RNF145: variants seen among roughly 807,000 people sequenced by gnomAD.
RNF145 encodes the protein ring finger protein 145.
In RNF145, 12 loss-of-function variants were observed where a neutral mutation model predicts 57.3. The observed-to-expected ratio is 0.21, with a 90% CI of 0.13 to 0.34. The LOEUF is 0.34. Ranked by LOEUF, RNF145 falls within the 10% of genes least tolerant of loss-of-function variation. The probability of loss-of-function intolerance (pLI) is 1.00; values close to 1 mark genes in which losing one functional copy is unlikely to be tolerated. For synonymous variants in RNF145, 262 were observed against 288.3 expected, an observed-to-expected ratio of 0.91 and a Z score of 0.92; for missense variants, 429 against 799.0, an observed-to-expected ratio of 0.54 and a Z score of 5.58.
At chr5:159,165,983 T>C (rs1424756778) in intron 8 of RNF145, among the ~76,000 whole-genome samples, 1 of 152,186 alleles carries the variant, frequency 6.6e-6, no homozygotes, top group Non-Finnish European at 1.5e-5. Context: ...TATATACCTA[T>C]GAGGAGATCA....
In RNF145 at chr5:159,176,876, G is replaced by C. The variant is rs765759230; in HGVS notation, c.386-9C>G. The C allele has an allele frequency of 1.4e-5, 22 of 1,534,984 alleles. No individual in the cohort carries two copies. The Admixed American group carries it at 3.8e-4, about 26-fold the overall frequency. On this transcript the variant is annotated splice_polypyrimidine_tract_variant and intron_variant, in intron 4 of 10. Transcript: ENST00000424310. ...ACACACCACCAACTGACCTAAAATA[G>C]GGAATAGAATACATTTAATTTTGAG... is the stretch of plus-strand genomic sequence containing the variant.
chr5:159,158,472 T>G lies in RNF145; in HGVS notation c.*198A>C. The G allele has an allele frequency of 1.6e-6, 1 of 629,660 alleles. No individual in the cohort carries two copies. Among genetic ancestry groups the G allele is most frequent in the Non-Finnish European group, 2.7e-6 (1 of 367,662 alleles). 39.0% of individuals were successfully genotyped at this position (629,660 alleles called of 1,614,324 possible). ...ACATATAAATACATTTTGATTAGCA[T>G]ACATTGCAAAATTTCTCCCACAATG... On this transcript the variant is annotated 3_prime_UTR_variant, in exon 11 of 11. Transcript: ENST00000424310.
chr5:159,195,901 A>T (rs1292139352), intron 2 of RNF145, among the ~76,000 whole-genome samples: 1 of 152,162 alleles, frequency 6.6e-6, no homozygotes, highest in Non-Finnish European at 1.5e-5. Context: ...CTCATATTCA[A>T]CAAGTACAAA....
chr5:159,184,510 G>C (rs976411709), intron 3 of RNF145, among the ~76,000 whole-genome samples: 2 of 152,276 alleles, frequency 1.3e-5, no homozygotes, highest in Admixed American at 1.3e-4. Context: ...ATTTAATTAT[G>C]ATGATGATCA....
intron 3 of RNF145, among the ~76,000 whole-genome samples, chr5:159,187,409 C>T (rs1402443928): frequency 6.6e-6 from 1 of 151,698 alleles, no homozygotes; most frequent in Non-Finnish European, 1.5e-5. Flanking sequence ...CTCACTGCAA[C>T]CTCTGCCTTC....
At chr5:159,172,126 G>A (rs991826332) in intron 6 of RNF145, among the ~76,000 whole-genome samples, 1 of 152,094 alleles carries the variant, frequency 6.6e-6, no homozygotes, top group African/African-American at 2.4e-5. Context: ...TCAGTCTCAC[G>A]CTGAGTTTAT....
chr5:159,182,261 G>C (rs944865266), intron 3 of RNF145, among the ~76,000 whole-genome samples: 2 of 152,024 alleles, frequency 1.3e-5, no homozygotes, highest in East Asian at 3.8e-4. Context: ...TTACCATACA[G>C]AGAAAGCTGC....
intron 2 of RNF145, among the ~76,000 whole-genome samples, chr5:159,200,058 C>T (rs765804663): frequency 1.3e-5 from 2 of 152,026 alleles, no homozygotes; most frequent in South Asian, 2.1e-4. Context: ...CAGGAGGCTG[C>T]GGCAGGAGGA....
intron 2 of RNF145, among the ~76,000 whole-genome samples, chr5:159,200,645 A>G (rs1785629988): frequency 6.6e-6 from 1 of 152,214 alleles, no homozygotes; most frequent in Non-Finnish European, 1.5e-5. Context: ...TCAAAATACT[A>G]AAGCTTAAAA....
chr5:159,187,621 C>T (rs1002811456), intron 3 of RNF145, among the ~76,000 whole-genome samples: 6 of 152,150 alleles, frequency 3.9e-5, no homozygotes, highest in African/African-American at 1.4e-4. Context: ...GCCACCACTC[C>T]CGGCCTATCT....
At chr5:159,196,852 T>C (rs1464880082) in intron 2 of RNF145, among the ~76,000 whole-genome samples, 1 of 152,244 alleles carries the variant, frequency 6.6e-6, no homozygotes, top group Admixed American at 6.5e-5. Flanking sequence ...AACTCTCTTT[T>C]AACGAAACTG....
chr5:159,194,945 A>G, intron 2 of RNF145, 121 bp from the exon 3 acceptor site: 1 of 649,450 alleles, frequency 1.5e-6, no homozygotes, highest in Admixed American at 3.2e-5. Context: ...GAGGTTTTTT[A>G]TTATACTTAC....
chr5:159,178,562 A>C (rs1402815210), intron 4 of RNF145, among the ~76,000 whole-genome samples: 1 of 152,082 alleles, frequency 6.6e-6, no homozygotes, highest in African/African-American at 2.4e-5. Context: ...CTTGTCAATG[A>C]AAACCAAAAT....
chr5:159,165,119 A>G (rs1784350111), intron 8 of RNF145, among the ~76,000 whole-genome samples: 1 of 152,182 alleles, frequency 6.6e-6, no homozygotes, highest in Non-Finnish European at 1.5e-5. Context: ...CCTTTTATTT[A>G]GTCAGTAATC....
Position 159,158,076 on chromosome 5 carries a change from CA to C in RNF145, c.*593del, listed in dbSNP as rs1168264224. 2.8e-5 allele frequency: 4 copies of C among 142,460 alleles called. No individual in the cohort carries two copies. The highest frequency in any genetic ancestry group is 1.0e-4 in the African/African-American group (4 of 39,710). 8.8% of individuals were successfully genotyped at this position (142,460 alleles called of 1,614,324 possible). ...ACCCACCCCTTCCCTAAAGCACATA[CA>C]AAGTATGAGCGTGCTTCAATCTTTG... On this transcript the variant is annotated 3_prime_UTR_variant, in exon 11 of 11. Transcript: ENST00000424310.
At chr5:159,200,500 A>G (rs1785625572) in intron 2 of RNF145, among the ~76,000 whole-genome samples, 1 of 152,192 alleles carries the variant, frequency 6.6e-6, no homozygotes, top group Admixed American at 6.5e-5. Flanking sequence ...AAATAAAATT[A>G]TACCTATAAC....
upstream of RNF145, chr5:159,209,559 C>G: frequency 3.0e-6 from 3 of 991,014 alleles, no homozygotes; most frequent in Non-Finnish European, 3.6e-6. Flanking sequence ...TCTGCGGCGG[C>G]CGCGGCCCGA....
At chr5:159,161,172 C>A in intron 10 of RNF145, 94 bp downstream of exon 10, 3 of 693,754 alleles carry the variant, frequency 4.3e-6, no homozygotes, top group Non-Finnish European at 4.7e-6. Context: ...GATAATTTTG[C>A]CTAGAAATTT....
intron 2 of RNF145, among the ~76,000 whole-genome samples, chr5:159,202,126 T>C (rs1785689956): frequency 6.6e-6 from 1 of 152,238 alleles, no homozygotes. Flanking sequence ...TGAACTTCAA[T>C]TGTACTCGAA....
Sources: gnomAD v4.1 joint callset for allele counts (sites outside exome capture counted in the v4.1 genomes callset) on GRCh38, gnomAD v4.1.1 for gene constraint, MANE v1.5 for transcripts, NCBI Gene and HGNC (gene_info 2026-07-23, HGNC 2026-07-21) for gene names.